The following SGMS1 variants were observed in gnomAD, a reference collection of about 807,000 sequenced individuals.
SGMS1 encodes the protein sphingomyelin synthase 1.
In SGMS1, 13 loss-of-function variants were observed where a neutral mutation model predicts 46.2. That is an observed-to-expected ratio of 0.28 (90% CI 0.18 to 0.45). The LOEUF (loss-of-function observed/expected upper bound fraction) is 0.45. SGMS1 is among the 20% of genes least tolerant of loss of function. The pLI is 1.00. For missense variants in SGMS1, 324 were observed against 519.9 expected (o/e 0.62, Z 3.66); for synonymous variants, 203 against 187.8 (o/e 1.08, Z -0.66).
intron 1 of SGMS1, among the ~76,000 whole-genome samples, chr10:50,592,645 C>T (rs1838552745): frequency 6.6e-6 from 1 of 152,206 alleles, no homozygotes; most frequent in Admixed American, 6.5e-5. Flanking sequence ...TTCCTTTCCT[C>T]ATGGCCTTTC....
intron 6 of SGMS1, among the ~76,000 whole-genome samples, chr10:50,362,990 G>A (rs1249845671): frequency 6.6e-6 from 1 of 152,128 alleles, no homozygotes; most frequent in Non-Finnish European, 1.5e-5. Flanking sequence ...GACAAATTTT[G>A]TCAAGCCCCA....
At chr10:50,533,104 G>A (rs754673418) in intron 2 of SGMS1, among the ~76,000 whole-genome samples, 12 of 152,074 alleles carry the variant, frequency 7.9e-5, no homozygotes, top group Non-Finnish European at 1.5e-4. Flanking sequence ...AGTAAACATA[G>A]AATATTTTTA....
At chr10:50,504,734 T>C (rs1837692447) in intron 3 of SGMS1, among the ~76,000 whole-genome samples, 1 of 152,268 alleles carries the variant, frequency 6.6e-6, no homozygotes, top group Non-Finnish European at 1.5e-5. Context: ...TTGACTTATT[T>C]CTAAAAGTCA....
chr10:50,421,901 C>G (rs1390827856), intron 6 of SGMS1, among the ~76,000 whole-genome samples: 1 of 152,178 alleles, frequency 6.6e-6, no homozygotes, highest in East Asian at 1.9e-4. Flanking sequence ...CTCTCAGCTG[C>G]TGGGTGGTTA....
intron 6 of SGMS1, among the ~76,000 whole-genome samples, chr10:50,351,924 C>T (rs1183517012): frequency 6.6e-6 from 1 of 152,180 alleles, no homozygotes; most frequent in Non-Finnish European, 1.5e-5. Context: ...ACAACCTACA[C>T]TTCTTATCTA....
At chr10:50,545,872 C>T (rs545464833) in intron 2 of SGMS1, among the ~76,000 whole-genome samples, 2 of 152,218 alleles carry the variant, frequency 1.3e-5, no homozygotes, top group East Asian at 1.9e-4. Flanking sequence ...GTAATTTAGA[C>T]CATATCAGCC....
At chr10:50,492,032 T>C (rs1287847879) in intron 3 of SGMS1, among the ~76,000 whole-genome samples, 1 of 152,230 alleles carries the variant, frequency 6.6e-6, no homozygotes, top group African/African-American at 2.4e-5. Context: ...TCAGTAAATG[T>C]GATTCATCAC....
chr10:50,324,361 C>T (rs139474141), intron 8 of SGMS1, among the ~76,000 whole-genome samples: 11 of 152,222 alleles, frequency 7.2e-5, no homozygotes, highest in African/African-American at 2.6e-4. Context: ...TACAATGGTT[C>T]AGAGAGAGAT....
intron 2 of SGMS1, among the ~76,000 whole-genome samples, chr10:50,546,090 T>G (rs546530921): frequency 6.6e-6 from 1 of 152,194 alleles, no homozygotes; most frequent in Non-Finnish European, 1.5e-5. Context: ...CTGCCTCGGA[T>G]AGACTGCTTG....
chr10:50,394,787 G>T (rs545274017), intron 6 of SGMS1, among the ~76,000 whole-genome samples: 7 of 152,228 alleles, frequency 4.6e-5, no homozygotes, highest in African/African-American at 1.7e-4. Context: ...TTTTTTTCCA[G>T]GATTTTGCTT....
chr10:50,412,408 G>T (rs1162744413), intron 6 of SGMS1, among the ~76,000 whole-genome samples: 1 of 152,164 alleles, frequency 6.6e-6, no homozygotes, highest in Admixed American at 6.5e-5. Flanking sequence ...GTAGACAACA[G>T]ACGGATTGTG....
At chr10:50,381,061 T>C (rs1483035333) in intron 6 of SGMS1, among the ~76,000 whole-genome samples, 1 of 150,480 alleles carries the variant, frequency 6.6e-6, no homozygotes, top group Non-Finnish European at 1.5e-5. Flanking sequence ...ACTCCTGCAC[T>C]CAAGTGATCC....
At chr10:50,519,365 A>T (rs12241198) in intron 3 of SGMS1, among the ~76,000 whole-genome samples, 6,572 of 152,298 alleles carry the variant, frequency 0.043, 480 homozygotes, top group African/African-American at 0.15. Flanking sequence ...GTTCAACTCC[A>T]GAGAAGAAGG....
chr10:50,305,796 A>T lies in SGMS1; in HGVS notation c.*1346T>A, dbSNP rs2133263426. 6.5e-6 allele frequency: 1 copy of T among 152,852 alleles called. No homozygotes were observed. The highest frequency in any genetic ancestry group is 6.5e-5 in the Admixed American group (1 of 15,304). The allele number at this position is 152,852 out of a possible 1,614,324, so 9.5% of individuals were successfully genotyped here. A position where few individuals can be genotyped will look rare whatever the true frequency, so the allele number is the denominator to read the frequency against. ...ATATCACCTTGTGAATACACAAAAA[A>T]ATCCTACGGAAGATAATTCTGCTGC... On this transcript the variant is annotated 3_prime_UTR_variant, in exon 11 of 11. Transcript: ENST00000361781.
chr10:50,325,774 C>T (rs905062312), intron 8 of SGMS1, among the ~76,000 whole-genome samples: 1 of 152,172 alleles, frequency 6.6e-6, no homozygotes, highest in Non-Finnish European at 1.5e-5. Flanking sequence ...CCTACATCTA[C>T]CTACCCCTTG....
chr10:50,557,229 TTAAA>T (rs1016457453), intron 2 of SGMS1, among the ~76,000 whole-genome samples: 7 of 152,188 alleles, frequency 4.6e-5, no homozygotes, highest in Non-Finnish European at 8.8e-5. Flanking sequence ...CACTTATTTA[TTAAA>T]TAATTTTTTA....
At chr10:50,530,466 A>T (rs887589682) in intron 2 of SGMS1, among the ~76,000 whole-genome samples, 2 of 152,238 alleles carry the variant, frequency 1.3e-5, no homozygotes, top group Non-Finnish European at 2.9e-5. Flanking sequence ...AGGGCTTTCC[A>T]CCGAAGTACT....
intron 2 of SGMS1, among the ~76,000 whole-genome samples, chr10:50,560,795 G>A (rs12244525): frequency 0.021 from 3,170 of 151,586 alleles, 98 homozygotes; most frequent in African/African-American, 0.072. Context: ...TTTTCTTGCT[G>A]ACTCTAGCCA....
At chr10:50,590,448 C>T (rs1348106102) in intron 1 of SGMS1, among the ~76,000 whole-genome samples, 1 of 152,074 alleles carries the variant, frequency 6.6e-6, no homozygotes, top group African/African-American at 2.4e-5. Flanking sequence ...TCAGCCCCAC[C>T]CACTCTAGGA....
Sources: allele counts gnomAD v4.1 joint callset (sites outside exome capture counted in the v4.1 genomes callset), GRCh38; gene constraint gnomAD v4.1.1; transcripts MANE v1.5; gene names NCBI Gene and HGNC (gene_info 2026-07-23, HGNC 2026-07-21).